The following NCKAP5 variants were observed in gnomAD, a reference collection of about 807,000 sequenced individuals.
NCKAP5 encodes NCK associated protein 5.
In NCKAP5, 92 loss-of-function variants were observed where a neutral mutation model predicts 167.0. The ratio of observed to expected loss-of-function variants is 0.55; its 90% CI spans 0.47 to 0.66. The LOEUF (loss-of-function observed/expected upper bound fraction) is 0.66, where lower values mean the gene tolerates loss of function less well. Ranked by LOEUF, NCKAP5 falls within the 30% of genes least tolerant of loss-of-function variation. The probability of loss-of-function intolerance (pLI) is 0.00; values close to 1 mark genes in which losing one functional copy is unlikely to be tolerated. For synonymous variants in NCKAP5, 891 were observed against 877.4 expected (o/e 1.02, Z -0.27); for missense variants, 2,378 against 2,315.0 (o/e 1.03, Z -0.56).
In NCKAP5 at chr2:132,863,911, T is replaced by C. The variant is rs569317186; in HGVS notation, c.688-3300A>G. Among the ~76,000 whole-genome samples the C allele has an allele frequency of 3.9e-5, 6 of 152,336 alleles. No homozygotes were observed. In the South Asian group the frequency reaches 1.2e-3, roughly 32 times the overall value. ...AATGGATATATATAAACAACTGTTT[T>C]GCTAACCACTATTGTAGTACCTGGA... On this transcript the variant is annotated intron_variant, in intron 10 of 19. Transcript: ENST00000409261.
intron 6 of NCKAP5, among the ~76,000 whole-genome samples, chr2:133,038,544 C>T (rs576840027): frequency 6.6e-6 from 1 of 152,134 alleles, no homozygotes; most frequent in Admixed American, 6.6e-5. Flanking sequence ...GAATAAATAA[C>T]ATCTACTATT....
At chr2:132,717,607 A>G (rs1689489258) in intron 19 of NCKAP5, among the ~76,000 whole-genome samples, 1 of 152,238 alleles carries the variant, frequency 6.6e-6, no homozygotes, top group South Asian at 2.1e-4. Context: ...ATCCAAGCTG[A>G]GGAATTAACC....
intron 6 of NCKAP5, among the ~76,000 whole-genome samples, chr2:133,115,887 G>A (rs1012302208): frequency 1.4e-5 from 2 of 145,728 alleles, no homozygotes; most frequent in Non-Finnish European, 3.0e-5. Context: ...TGCTTTTTCC[G>A]GTGATTGATT....
chr2:132,683,207 G>T (rs1685477423), intron 19 of NCKAP5, among the ~76,000 whole-genome samples: 1 of 152,014 alleles, frequency 6.6e-6, no homozygotes, highest in African/African-American at 2.4e-5. Flanking sequence ...GGACGAATAT[G>T]CTATCCGTTC....
chr2:133,341,629 A>G (rs1415558245), intron 3 of NCKAP5, among the ~76,000 whole-genome samples: 1 of 152,198 alleles, frequency 6.6e-6, no homozygotes, highest in Admixed American at 6.5e-5. Flanking sequence ...TCCATATTTC[A>G]TAATACTGGT....
intron 3 of NCKAP5, among the ~76,000 whole-genome samples, chr2:133,479,932 C>CAT (rs1253036181): frequency 7.5e-6 from 1 of 133,598 alleles, no homozygotes; most frequent in African/African-American, 2.8e-5. Context: ...TTTCTTTTTC[C>CAT]TTTTTTTTTT....
At chr2:132,734,740 G>A (rs1052753421) in intron 16 of NCKAP5, among the ~76,000 whole-genome samples, 16 of 148,564 alleles carry the variant, frequency 1.1e-4, no homozygotes, top group Non-Finnish European at 2.2e-4. Flanking sequence ...AAGAGGTTAA[G>A]CAACTTGTCC....
At chr2:133,079,199 T>C (rs1292923230) in intron 6 of NCKAP5, among the ~76,000 whole-genome samples, 1 of 152,156 alleles carries the variant, frequency 6.6e-6, no homozygotes, top group East Asian at 1.9e-4. Flanking sequence ...CAATGATAAT[T>C]GATGGTCAGC....
Position 132,778,920 on chromosome 2 carries a change from G to T in NCKAP5, c.5049+2132C>A, listed in dbSNP as rs138995627. Among the ~76,000 whole-genome samples the T allele has an allele frequency of 7.5e-3, 1,138 of 152,224 alleles. 14 individuals carry two copies. Among genetic ancestry groups the T allele is most frequent in the African/African-American group, 0.026 (1,086 of 41,530 alleles). ...GTCCTTTGTGAAATTAGTAATTTTA[G>T]CCCAATCCATGCTGATGATTATGGA... On this transcript the variant is annotated intron_variant, in intron 15 of 19. Coordinates refer to ENST00000409261, the MANE Select transcript of NCKAP5 (RefSeq NM_207363.3).
chr2:133,057,416 G>A (rs1281522258), intron 6 of NCKAP5, among the ~76,000 whole-genome samples: 1 of 152,180 alleles, frequency 6.6e-6, no homozygotes. Flanking sequence ...AGTTGTGAAT[G>A]CAAAGGAAAA....
chr2:133,004,711 G>A (rs1353288217), intron 6 of NCKAP5, among the ~76,000 whole-genome samples: 1 of 152,164 alleles, frequency 6.6e-6, no homozygotes, highest in East Asian at 1.9e-4. Context: ...AGGAAACAGG[G>A]TTTGAGAGTA....
At chr2:132,877,179 C>T (rs182572230) in intron 9 of NCKAP5, among the ~76,000 whole-genome samples, 11 of 152,278 alleles carry the variant, frequency 7.2e-5, no homozygotes, top group African/African-American at 2.4e-4. Flanking sequence ...ACTGGCCTCA[C>T]TAGACTCTGA....
intron 19 of NCKAP5, among the ~76,000 whole-genome samples, chr2:132,683,784 G>A (rs1685572192): frequency 3.9e-5 from 6 of 152,186 alleles, no homozygotes; most frequent in Admixed American, 2.6e-4. Context: ...ACTTCAGGCA[G>A]AGGAAGTTTG....
At chr2:132,963,611 T>C (rs2076580602) in intron 8 of NCKAP5, 109 bp downstream of exon 8, 2 of 1,148,226 alleles carry the variant, frequency 1.7e-6, no homozygotes, top group Non-Finnish European at 2.5e-6. Flanking sequence ...CATATTAGTC[T>C]GGGAGAACTC....
At chr2:133,338,142 A>G (rs1158344872) in intron 3 of NCKAP5, among the ~76,000 whole-genome samples, 3 of 152,298 alleles carry the variant, frequency 2.0e-5, no homozygotes, top group African/African-American at 7.2e-5. Context: ...TTGAAATCAA[A>G]TATTTGAATT....
At chr2:133,061,371 TATCTC>T (rs2079994936) in intron 6 of NCKAP5, among the ~76,000 whole-genome samples, 1 of 152,208 alleles carries the variant, frequency 6.6e-6, no homozygotes, top group East Asian at 1.9e-4. Flanking sequence ...TTGTAAATAT[TATCTC>T]ATTTAATCCT....
intron 3 of NCKAP5, among the ~76,000 whole-genome samples, chr2:133,454,863 A>C (rs1387085754): frequency 6.6e-6 from 1 of 152,106 alleles, no homozygotes; most frequent in Non-Finnish European, 1.5e-5. Context: ...TTAAGCAACA[A>C]TAAATGAATA....
intron 8 of NCKAP5, among the ~76,000 whole-genome samples, chr2:132,904,089 C>T (rs1258004252): frequency 6.6e-6 from 1 of 151,906 alleles, no homozygotes; most frequent in Non-Finnish European, 1.5e-5. Flanking sequence ...GAGATCGAGA[C>T]CATCTTGGCT....
chr2:133,262,221 AT>A (rs2088943467), intron 4 of NCKAP5, among the ~76,000 whole-genome samples: 1 of 152,228 alleles, frequency 6.6e-6, no homozygotes, highest in Non-Finnish European at 1.5e-5. Context: ...TCAATAATAA[AT>A]AAGGGAATCA....
Sources: allele counts gnomAD v4.1 joint callset (sites outside exome capture counted in the v4.1 genomes callset), GRCh38; gene constraint gnomAD v4.1.1; transcripts MANE v1.5; gene names NCBI Gene and HGNC (gene_info 2026-07-23, HGNC 2026-07-21).